The following NHSL2 variants were observed in gnomAD, a reference collection of about 807,000 sequenced individuals.
NHSL2 encodes NHS-like protein 2.
A neutral mutation model predicts 53.4 loss-of-function variants in NHSL2; 27 were observed. That is an observed-to-expected ratio of 0.51 (90% CI 0.37 to 0.70). The LOEUF (loss-of-function observed/expected upper bound fraction) is 0.70, where lower values mean the gene tolerates loss of function less well. Among genes scored for constraint, NHSL2 ranks in the 30% least tolerant of loss-of-function variants. The probability of loss-of-function intolerance (pLI) is 0.00; values close to 1 mark genes in which losing one functional copy is unlikely to be tolerated. For missense variants in NHSL2, 892 were observed against 980.1 expected, an observed-to-expected ratio of 0.91 and a Z score of 1.20; for synonymous variants, 408 against 404.1, an observed-to-expected ratio of 1.01 and a Z score of -0.12.
rs372733180 is a variant in NHSL2 at position 72,130,113 on chromosome X, G to A, written c.281-1966G>A. The A allele has an allele frequency of 1.8e-5, 22 of 1,208,626 alleles. No homozygotes were observed. The East Asian group carries it at 3.0e-4, about 16-fold the overall frequency. On this transcript the variant is annotated intron_variant, in intron 1 of 7. Transcript: ENST00000633930. ...TGGGGCCAGAAGTCTGGGATGACGCGTGAACAAAGGTCGGCTCCATCTCCA... is the reference window on the plus strand; with the variant it reads ...TGGGGCCAGAAGTCTGGGATGACGCATGAACAAAGGTCGGCTCCATCTCCA...
chrX:72,080,500 A>G (rs956824017), intron 1 of NHSL2, among the ~76,000 whole-genome samples: 1 of 109,934 alleles, frequency 9.1e-6, no homozygotes, highest in African/African-American at 3.3e-5. Context: ...GACAGGGTGG[A>G]TGTGATCACA....
intron 1 of NHSL2, among the ~76,000 whole-genome samples, chrX:72,099,457 C>G (rs1316152012): frequency 9.3e-6 from 1 of 107,156 alleles, no homozygotes; most frequent in African/African-American, 3.4e-5. Flanking sequence ...CCTCTGCCTC[C>G]CGGGTTCAAG....
intron 1 of NHSL2, chrX:71,965,886 T>A (rs1933086237): frequency 1.8e-5 from 2 of 112,551 alleles, no homozygotes; most frequent in Admixed American, 9.4e-5. Context: ...CAGTAATTTT[T>A]AAAAACACTT....
At position 72,042,845 on chromosome X, in the gene NHSL2, C is replaced by T. The variant is rs148257031; in HGVS notation, c.281-89234C>T. ...AAGATGTGGGCCTATATTGTGTGCC[C>T]GGTGCATTGTAGGTGCTTTGTTGAA... is the stretch of plus-strand genomic sequence containing the variant. On this transcript the variant is annotated intron_variant, in intron 1 of 7. Transcript: ENST00000633930. Among the ~76,000 whole-genome samples the T allele has an allele frequency of 5.3e-3, 582 of 109,924 alleles. 3 individuals carry two copies. Among genetic ancestry groups the T allele is most frequent in the African/African-American group, 0.018 (546 of 30,079 alleles).
intron 1 of NHSL2, among the ~76,000 whole-genome samples, chrX:71,963,247 A>AGTTAATATG (rs2058224959): frequency 9.0e-6 from 1 of 111,035 alleles, no homozygotes; most frequent in African/African-American, 3.3e-5. Flanking sequence ...CTAGAGCAAC[A>AGTTAATATG]GTTAATATGT....
chrX:72,107,960 G>C (rs903062524), intron 1 of NHSL2, among the ~76,000 whole-genome samples: 3 of 112,182 alleles, frequency 2.7e-5, no homozygotes, highest in Non-Finnish European at 3.8e-5. Flanking sequence ...GTGTCTAGAA[G>C]ATGACTCTCT....
chrX:72,026,273 C>T (rs1387457423), intron 1 of NHSL2, among the ~76,000 whole-genome samples: 2 of 112,097 alleles, frequency 1.8e-5, no homozygotes, highest in Admixed American at 1.9e-4. Context: ...CTATTGGAAT[C>T]TGACTCTAGG....
Position 72,140,393 on chromosome X carries a change from T to C in NHSL2, c.2845T>C (p.Phe949Leu). ...GTCAACAGCACCCTCATCTCTTGTT[T>C]TCACGCCTTTTGCCAGTTCCTCTGA... ...GESTAPSSLV[F>L]TPFASSSDAF... is the part of the protein sequence containing the mutation. Residue 949 changes from phenylalanine to leucine, a missense_variant, in exon 6 of 8, where the codon TTC becomes CTC. Transcript: ENST00000633930. 3 of 1,210,326 alleles carry C rather than the reference T, an allele frequency of 2.5e-6. No homozygotes were observed. Among genetic ancestry groups the C allele is most frequent in the Non-Finnish European group, 3.4e-6 (3 of 894,763 alleles).
intron 1 of NHSL2, among the ~76,000 whole-genome samples, chrX:71,927,026 G>A (rs2041688867): frequency 9.0e-6 from 1 of 111,627 alleles, no homozygotes; most frequent in African/African-American, 3.3e-5. Flanking sequence ...AATGTTAATG[G>A]CTCAGAGGAC....
At chrX:72,023,937 A>G (rs1289666646) in intron 1 of NHSL2, among the ~76,000 whole-genome samples, 1 of 111,387 alleles carries the variant, frequency 9.0e-6, no homozygotes, top group Non-Finnish European at 1.9e-5. Flanking sequence ...GGGAACTGTC[A>G]ACTGATGAGA....
At chrX:72,094,100 A>G (rs1230621634) in intron 1 of NHSL2, among the ~76,000 whole-genome samples, 1 of 111,644 alleles carries the variant, frequency 9.0e-6, no homozygotes, top group Non-Finnish European at 1.9e-5. Context: ...GCTTTATGAA[A>G]GTGCAGTTAC....
At chrX:71,984,236 C>T (rs6625931) in intron 1 of NHSL2, among the ~76,000 whole-genome samples, 6,048 of 111,580 alleles carry the variant, frequency 0.054, 194 homozygotes, top group East Asian at 0.28. Context: ...ATGGGCCATT[C>T]ACAATTCTGA....
Position 72,138,694 on chromosome X carries a change from A to T in NHSL2, c.1146A>T (p.Gly382=), listed in dbSNP as rs1319841142. 1.7e-6 allele frequency: 2 copies of T among 1,198,694 alleles called. No individual in the cohort carries two copies. The highest frequency in any genetic ancestry group is 2.3e-5 in the Admixed American group (1 of 44,198). Residue 382 remains glycine, a synonymous_variant, in exon 6 of 8, where the codon GGA becomes GGT. Coordinates refer to ENST00000633930, the MANE Select transcript of NHSL2 (RefSeq NM_001013627.3). ...MVYSVPSSCN[G]PTESTFSTSW... ...ACAGTGTCCCCAGTTCTTGCAATGG[A>T]CCTACAGAATCAACCTTCTCCACTT...
chrX:71,924,913 C>CA (rs762889903), intron 1 of NHSL2, among the ~76,000 whole-genome samples: 2 of 112,069 alleles, frequency 1.8e-5, no homozygotes, highest in Non-Finnish European at 3.8e-5. Flanking sequence ...GCTTTGTAAA[C>CA]AAAAAATCAC....
chrX:71,931,507 G>T (rs779438230), intron 1 of NHSL2, among the ~76,000 whole-genome samples: 1 of 112,263 alleles, frequency 8.9e-6, no homozygotes, highest in East Asian at 2.8e-4. Context: ...CTTATATTTT[G>T]GTTTGTGATC....
intron 1 of NHSL2, among the ~76,000 whole-genome samples, chrX:71,980,651 T>C (rs2041974299): frequency 9.2e-6 from 1 of 109,041 alleles, no homozygotes; most frequent in Non-Finnish European, 1.9e-5. Flanking sequence ...AAAGAGTCAA[T>C]GAACAGAATG....
At chrX:71,995,313 G>A (rs1423941423) in intron 1 of NHSL2, among the ~76,000 whole-genome samples, 2 of 111,984 alleles carry the variant, frequency 1.8e-5, no homozygotes, top group African/African-American at 6.5e-5. Context: ...ACAACAGCCG[G>A]TGTGATTCAG....
intron 1 of NHSL2, among the ~76,000 whole-genome samples, chrX:72,052,242 A>G (rs1475928243): frequency 8.9e-6 from 1 of 111,869 alleles, no homozygotes; most frequent in Non-Finnish European, 1.9e-5. Flanking sequence ...ATGCGTGGTT[A>G]TCATCCTCTG....
intron 1 of NHSL2, among the ~76,000 whole-genome samples, chrX:71,985,252 C>T (rs2041998476): frequency 8.9e-6 from 1 of 111,774 alleles, no homozygotes; most frequent in Non-Finnish European, 1.9e-5. Flanking sequence ...TAACTTGGGG[C>T]TCCTGGGCCT....
Sources: allele counts gnomAD v4.1 joint callset (sites outside exome capture counted in the v4.1 genomes callset), GRCh38; gene constraint gnomAD v4.1.1; transcripts MANE v1.5; gene names NCBI Gene and HGNC (gene_info 2026-07-23, HGNC 2026-07-21).